Variants in SYT1 observed in about 807,000 individuals in gnomAD.
The protein encoded by SYT1 is synaptotagmin-1.
SYT1 carries 8 observed loss-of-function variants against 44.8 expected under a neutral mutation model. That is an observed-to-expected ratio of 0.18 (90% confidence interval 0.10 to 0.32). SYT1 has a LOEUF of 0.32. SYT1 is among the 10% of genes least tolerant of loss of function. The probability of loss-of-function intolerance (pLI) is 1.00; values close to 1 mark genes in which losing one functional copy is unlikely to be tolerated. For missense variants in SYT1, 286 were observed against 509.3 expected (o/e 0.56, Z 4.22); for synonymous variants, 154 against 188.8 (o/e 0.82, Z 1.51).
intron 9 of SYT1, among the ~76,000 whole-genome samples, chr12:79,371,666 C>G (rs1883796316): frequency 6.6e-6 from 1 of 152,198 alleles, no homozygotes; most frequent in Admixed American, 6.5e-5. Context: ...GGCCGTGAAA[C>G]AGTGAGCTGT....
chr12:79,141,036 C>G (rs1264814969), intron 3 of SYT1, among the ~76,000 whole-genome samples: 1 of 152,190 alleles, frequency 6.6e-6, no homozygotes, highest in Non-Finnish European at 1.5e-5. Flanking sequence ...CCCTTGCTTT[C>G]TATCTTGAAT....
At chr12:79,427,856 C>T (rs1869539419) in intron 9 of SYT1, among the ~76,000 whole-genome samples, 1 of 152,152 alleles carries the variant, frequency 6.6e-6, no homozygotes, top group African/African-American at 2.4e-5. Context: ...ATCATTCAGG[C>T]TCTATTTGTC....
At position 79,336,743 on chromosome 12, in the gene SYT1, C is replaced by G. The variant is rs60482928; in HGVS notation, c.811-16759C>G. Among the ~76,000 whole-genome samples the G allele has an allele frequency of 6.6e-3, 1,012 of 152,324 alleles. 9 individuals are homozygous for G. The highest frequency in any genetic ancestry group is 0.023 in the African/African-American group (961 of 41,572). On this transcript the variant is annotated intron_variant, in intron 8 of 10. Transcript: ENST00000261205. ...CTTCTGGGCTCAAGCAATCCTTCCA[C>G]CTCGGCCTCTGGAATAGCTGGGATG...
intron 1 of SYT1, among the ~76,000 whole-genome samples, chr12:78,911,026 A>G (rs755304237): frequency 6.6e-6 from 1 of 152,010 alleles, no homozygotes; most frequent in Non-Finnish European, 1.5e-5. Context: ...TTTGTTTAAG[A>G]GTAATGGAAG....
At chr12:78,939,456 G>C (rs1017870342) in intron 1 of SYT1, among the ~76,000 whole-genome samples, 2 of 152,156 alleles carry the variant, frequency 1.3e-5, no homozygotes, top group Non-Finnish European at 2.9e-5. Flanking sequence ...CAGGAGAAAG[G>C]GTAGGACTCT....
intron 8 of SYT1, 89 bp from the exon 9 acceptor site, chr12:79,353,410 ATCC>A (rs1395761109): frequency 7.0e-6 from 7 of 994,446 alleles, no homozygotes; most frequent in Non-Finnish European, 9.4e-6. Flanking sequence ...AATCAACATA[ATCC>A]TCCTCTTGAA....
At chr12:79,106,502 C>CT (rs568453527) in intron 3 of SYT1, among the ~76,000 whole-genome samples, 16,328 of 139,936 alleles carry the variant, frequency 0.12, 957 homozygotes, top group African/African-American at 0.13. Context: ...GTTTATAATG[C>CT]TTTTTTTTTT....
At chr12:78,963,517 A>G (rs1879621977) in intron 1 of SYT1, among the ~76,000 whole-genome samples, 1 of 152,162 alleles carries the variant, frequency 6.6e-6, no homozygotes, top group Admixed American at 6.5e-5. Context: ...ACCAGAACAG[A>G]CATTTCTTTA....
intron 3 of SYT1, among the ~76,000 whole-genome samples, chr12:79,053,834 A>G (rs1565784042): frequency 6.6e-6 from 1 of 151,870 alleles, no homozygotes; most frequent in Non-Finnish European, 1.5e-5. Flanking sequence ...AAACAACCAA[A>G]GTTGTTGGTT....
chr12:78,997,092 C>T (rs1418003056), intron 2 of SYT1, among the ~76,000 whole-genome samples: 4 of 152,154 alleles, frequency 2.6e-5, no homozygotes, highest in Admixed American at 6.6e-5. Context: ...CTTAGAGGCC[C>T]AACAGCATAT....
Position 79,239,820 on chromosome 12 carries a change from G to C in SYT1, c.166+22135G>C, listed in dbSNP as rs532137550. On this transcript the variant is annotated intron_variant, in intron 4 of 10. Transcript: ENST00000261205. ...TTTCAGACTTTTTGGCAGAAATTCT[G>C]TTCCTTGAAATTACAGGACTGAGAC... Among the ~76,000 whole-genome samples the C allele has an allele frequency of 3.9e-5, 6 of 152,260 alleles. No homozygotes were observed. In the South Asian group the frequency reaches 6.2e-4, roughly 16 times the overall value.
chr12:79,036,612 A>C (rs1873150805), intron 2 of SYT1: 2 of 151,836 alleles, frequency 1.3e-5, no homozygotes, highest in South Asian at 2.1e-4. Flanking sequence ...CTACATCTGC[A>C]TACCTATATC....
intron 3 of SYT1, among the ~76,000 whole-genome samples, chr12:79,065,809 CT>C (rs951488991): frequency 1.6e-4 from 24 of 152,010 alleles, no homozygotes; most frequent in African/African-American, 5.6e-4. Context: ...ACAGAAGATA[CT>C]GTGTGAATTG....
intron 9 of SYT1, chr12:79,419,250 G>C: frequency 1.9e-6 from 1 of 524,516 alleles, no homozygotes; most frequent in Non-Finnish European, 3.9e-6. Context: ...GAAAAAATGT[G>C]AGGTGTAGAA....
At chr12:78,964,142 G>T (rs1242087238) in intron 1 of SYT1, 1 of 151,864 alleles carries the variant, frequency 6.6e-6, no homozygotes, top group Non-Finnish European at 1.5e-5. Context: ...CACAAAGGCT[G>T]GCACAAAGGT....
At chr12:78,971,426 G>C (rs1209652231) in intron 1 of SYT1, among the ~76,000 whole-genome samples, 7 of 152,170 alleles carry the variant, frequency 4.6e-5, no homozygotes, top group African/African-American at 2.4e-5. Context: ...AGCATAGTCT[G>C]TGTTGAGATT....
intron 1 of SYT1, among the ~76,000 whole-genome samples, chr12:78,931,913 A>G (rs892689196): frequency 3.3e-5 from 5 of 152,196 alleles, no homozygotes; most frequent in African/African-American, 1.2e-4. Context: ...CACTTCTCCC[A>G]TCTATATATG....
At chr12:79,263,725 A>G (rs951147202) in intron 4 of SYT1, among the ~76,000 whole-genome samples, 2 of 152,194 alleles carry the variant, frequency 1.3e-5, no homozygotes, top group African/African-American at 4.8e-5. Flanking sequence ...TAAGTTTCAT[A>G]GCTTTTAATC....
intron 2 of SYT1, among the ~76,000 whole-genome samples, chr12:79,026,689 AT>A (rs1565769729): frequency 1.4e-5 from 2 of 138,972 alleles, no homozygotes; most frequent in African/African-American, 5.3e-5. Flanking sequence ...ATATATATAT[AT>A]ATATATATAT....
Sources: allele counts gnomAD v4.1 joint callset (sites outside exome capture counted in the v4.1 genomes callset), GRCh38; gene constraint gnomAD v4.1.1; transcripts MANE v1.5; gene names NCBI Gene and HGNC (gene_info 2026-07-23, HGNC 2026-07-21).